The following ZNF853 variants were observed in gnomAD, a reference collection of about 807,000 sequenced individuals.
The protein encoded by ZNF853 is zinc finger protein 853.
ZNF853 carries 57 observed loss-of-function variants against 94.7 expected under a neutral mutation model. The ratio of observed to expected loss-of-function variants is 0.60; its 90% CI spans 0.49 to 0.75. ZNF853 has a LOEUF of 0.75. Among genes scored for constraint, ZNF853 ranks in the 30% least tolerant of loss-of-function variants. The pLI is 0.00. For synonymous variants in ZNF853, 448 were observed against 406.3 expected (o/e 1.10, Z -1.23); for missense variants, 785 against 868.9 (o/e 0.90, Z 1.21).
chr7:6,615,904 C>T lies in ZNF853; in HGVS notation c.-271C>T. 1 of 350,460 alleles carries T rather than the reference C, an allele frequency of 2.9e-6. No individual in the cohort carries two copies. The allele number at this position is 350,460 out of a possible 1,614,324, so 21.7% of individuals were successfully genotyped here. Reference sequence around the variant, plus strand: ...TGAGCCCCGCGCGGGATTCGGGGCCCTGCCTCCCGCCCCAGCCCCCGCCGG... The same window carrying T: ...TGAGCCCCGCGCGGGATTCGGGGCCTTGCCTCCCGCCCCAGCCCCCGCCGG... On this transcript the variant is annotated 5_prime_UTR_variant, in exon 1 of 3. Transcript: ENST00000457543. The surrounding 1 kb of genome is among the most constrained non-coding windows in gnomAD (Gnocchi z 8.5).
In ZNF853 at chr7:6,623,375, G is replaced by C. The variant is rs1339394282; in HGVS notation, c.*404G>C. 5.0e-6 allele frequency: 2 copies of C among 398,498 alleles called. No homozygotes were observed. Among genetic ancestry groups the C allele is most frequent in the African/African-American group, 4.1e-5 (2 of 48,626 alleles). 24.7% of individuals were successfully genotyped at this position (398,498 alleles called of 1,614,324 possible). On this transcript the variant is annotated 3_prime_UTR_variant, in exon 3 of 3. Coordinates refer to ENST00000457543, the MANE Select transcript of ZNF853 (RefSeq NM_017560.3). The stretch of plus-strand genomic sequence containing the variant: ...AATCAAGACGTGGTGAGACACACGT[G>C]GAAAATCTTCGATCCTGGTGAAAAT...
intron 2 of ZNF853, 192 bp downstream of exon 2, chr7:6,617,499 G>C: frequency 1.3e-6 from 1 of 790,894 alleles, no homozygotes; most frequent in Non-Finnish European, 1.5e-6. Flanking sequence ...GCTGGTGAGG[G>C]GCTCCCCGCT....
Position 6,621,267 on chromosome 7 carries a change from G to A in ZNF853, c.276G>A (p.Gln92=), listed in dbSNP as rs902454411. 9 of 1,549,876 alleles carry A rather than the reference G, an allele frequency of 5.8e-6. No homozygotes were observed. The highest frequency in any genetic ancestry group is 7.9e-6 in the Non-Finnish European group (9 of 1,145,844). Residue 92 remains glutamine (Q), a synonymous_variant, in exon 3 of 3, where the codon CAG becomes CAA. Coordinates refer to ENST00000457543, the MANE Select transcript of ZNF853 (RefSeq NM_017560.3). ...TRPGQRELQL[Q]QLEQQPEPQQ... is the part of the protein sequence containing the mutation. ...CGGGACAACGAGAGTTGCAACTGCA[G>A]CAGTTAGAACAGCAGCCCGAGCCGC...
chr7:6,617,733 G>T lies in ZNF853; in HGVS notation c.130+426G>T. On this transcript the variant is annotated intron_variant, in intron 2 of 2. Coordinates refer to ENST00000457543, the MANE Select transcript of ZNF853 (RefSeq NM_017560.3). ...GCTCCCTGGCTTCTTCTCCCCTGTGGCCTCGTAACCTTTTCCACTTTAGCT... is the reference window on the plus strand; with the variant it reads ...GCTCCCTGGCTTCTTCTCCCCTGTGTCCTCGTAACCTTTTCCACTTTAGCT... 78 of 775,934 alleles carry T rather than the reference G, an allele frequency of 1.0e-4. 1 individual carries two copies. In the African/African-American group the frequency reaches 1.4e-3, roughly 14 times the overall value. 48.1% of individuals were successfully genotyped at this position (775,934 alleles called of 1,614,324 possible).
chr7:6,618,569 G>T, intron 2 of ZNF853, among the ~76,000 whole-genome samples: 13 of 152,082 alleles, frequency 8.5e-5, no homozygotes, highest in African/African-American at 2.9e-4. Context: ...AATTAGCTAG[G>T]CGTGGTGTTG....
chr7:6,619,180 T>A, intron 2 of ZNF853, among the ~76,000 whole-genome samples: 2 of 151,434 alleles, frequency 1.3e-5, no homozygotes. Context: ...GCTGGGACTA[T>A]AGGTGCCTGC....
chr7:6,618,402 A>G, intron 2 of ZNF853, among the ~76,000 whole-genome samples: 2 of 151,828 alleles, frequency 1.3e-5, no homozygotes, highest in Non-Finnish European at 2.9e-5. Flanking sequence ...GATGTTCACT[A>G]AAATGCCTTT....
At position 6,622,467 on chromosome 7, in the gene ZNF853, G is replaced by T; in HGVS notation, c.1476G>T (p.Lys492Asn). Residue 492 changes from lysine (K) to asparagine (N), a missense_variant, in exon 3 of 3, where the codon AAG (lysine) becomes AAT (asparagine). Transcript: ENST00000457543. ...CGACCATCTGCGGGGAGTGCGGCAA[G>T]GGCTTCAGCCGCAGCACGGACCTGG... ...DRPTICGECG[K>N]GFSRSTDLVR... 1 of 1,527,240 alleles carries T rather than the reference G, an allele frequency of 6.5e-7. No individual in the cohort carries two copies. 94.6% of individuals were successfully genotyped at this position (1,527,240 alleles called of 1,614,324 possible).
intron 2 of ZNF853, among the ~76,000 whole-genome samples, chr7:6,617,822 C>T: frequency 6.6e-6 from 1 of 152,110 alleles, no homozygotes. Flanking sequence ...TACTGCAGAA[C>T]CTTCCAAGAC....
rs1044362849 is a variant in ZNF853, at chr7:6,621,757, C to A, written c.766C>A (p.Gln256Lys). The change falls in exon 3 of 3, where the codon CAG (glutamine) becomes AAG (lysine). Residue 256 changes from glutamine (Q) to lysine (K), a missense_variant. By Grantham distance (53) the Gln-to-Lys change is moderately conservative. Coordinates refer to ENST00000457543, the MANE Select transcript of ZNF853 (RefSeq NM_017560.3). Reference protein sequence around the residue: ...QQGQLQQQLLQQQQAQLQQQL... With the variant: ...QQGQLQQQLLKQQQAQLQQQL... ...GGGACAGTTACAGCAGCAACTGTTGCAGCAGCAGCAGGCACAGTTACAACA... is the reference window on the plus strand; with the variant it reads ...GGGACAGTTACAGCAGCAACTGTTGAAGCAGCAGCAGGCACAGTTACAACA... 3 of 1,550,356 alleles carry A rather than the reference C, an allele frequency of 1.9e-6. No homozygotes were observed. The African/African-American group carries it at 4.1e-5, about 21-fold the overall frequency.
At position 6,622,836 on chromosome 7, in the gene ZNF853, C is replaced by G; in HGVS notation, c.1845C>G (p.His615Gln). 6.6e-7 allele frequency: 1 copy of G among 1,518,228 alleles called. No individual in the cohort carries two copies. Among genetic ancestry groups the G allele is most frequent in the Non-Finnish European group, 8.8e-7 (1 of 1,136,958 alleles). 94.0% of individuals were successfully genotyped at this position (1,518,228 alleles called of 1,614,324 possible). A position where few individuals can be genotyped will look rare whatever the true frequency, so the allele number is the denominator to read the frequency against. ...GACACAAGGTGCAGATCCGCCGCCA[C>G]GAGCGCCAGCTGCACGGCGCGGGCC... ...RFRHKVQIRR[H>Q]ERQLHGAGRS... Residue 615 changes from histidine to glutamine, a missense_variant, in exon 3 of 3, where the codon CAC (histidine) becomes CAG (glutamine). Transcript: ENST00000457543.
At position 6,621,736 on chromosome 7, in the gene ZNF853, C is replaced by T; in HGVS notation, c.745C>T (p.Gln249Ter). The change falls in exon 3 of 3, where the codon CAG (glutamine) becomes TAG (stop). Residue 249 changes from glutamine to a stop codon, truncating the protein, a stop_gained. Coordinates refer to ENST00000457543, the MANE Select transcript of ZNF853 (RefSeq NM_017560.3). LOFTEE classifies it high-confidence loss of function. ...QQLLLLQQQG[Q>*]LQQQLLQQQQ... Reference sequence around the variant, plus strand: ...GCTACTATTGCTGCAGCAGCAGGGACAGTTACAGCAGCAACTGTTGCAGCA... The same window carrying T: ...GCTACTATTGCTGCAGCAGCAGGGATAGTTACAGCAGCAACTGTTGCAGCA... The T allele has an allele frequency of 6.4e-7, 1 of 1,550,754 alleles. No homozygotes were observed. The highest frequency in any genetic ancestry group is 8.7e-7 in the Non-Finnish European group (1 of 1,146,950).
At position 6,621,550 on chromosome 7, in the gene ZNF853, G is replaced by A; in HGVS notation, c.559G>A (p.Val187Ile). The change falls in exon 3 of 3, where the codon GTA becomes ATA. Residue 187 changes from valine (V) to isoleucine (I), a missense_variant. Coordinates refer to ENST00000457543, the MANE Select transcript of ZNF853 (RefSeq NM_017560.3). ...GACGCAGCAAGCACAAGAGCAACAG[G>A]TATTGCAGCAGCAGGAACAGCTACA... is the stretch of plus-strand genomic sequence containing the variant. ...LQTQQAQEQQ[V>I]LQQQEQLQQQ... 6.4e-7 allele frequency: 1 copy of A among 1,551,542 alleles called. No individual in the cohort carries two copies. Among genetic ancestry groups the A allele is most frequent in the Non-Finnish European group, 8.7e-7 (1 of 1,146,930 alleles).
In ZNF853 at chr7:6,615,719, C is replaced by G. The variant is rs1782485624; in HGVS notation, c.-456C>G. On this transcript the variant is annotated 5_prime_UTR_variant, in exon 1 of 3. Transcript: ENST00000457543. This position sits in a 1 kb window ranked among gnomAD's most constrained non-coding sequence, Gnocchi z 8.5. ...CGCCCCGCCCCCGCCCCGGCCCCCG[C>G]GCGGCCCGGCCCAGGCCGCCCGCAG... 1 of 144,200 alleles carries G rather than the reference C, an allele frequency of 6.9e-6. No individual in the cohort carries two copies. 8.9% of individuals were successfully genotyped at this position (144,200 alleles called of 1,614,324 possible).
At position 6,622,429 on chromosome 7, in the gene ZNF853, G is replaced by C. The variant is rs1293915878; in HGVS notation, c.1438G>C (p.Ala480Pro). 6.9e-7 allele frequency: 1 copy of C among 1,442,470 alleles called. No homozygotes were observed. The highest frequency in any genetic ancestry group is 1.4e-5 in the South Asian group (1 of 70,174). 89.4% of individuals were successfully genotyped at this position (1,442,470 alleles called of 1,614,324 possible). Residue 480 changes from alanine to proline, a missense_variant, in exon 3 of 3, where the codon GCT (alanine) becomes CCT (proline). By Grantham distance (27) the Ala-to-Pro change is conservative. Coordinates refer to ENST00000457543, the MANE Select transcript of ZNF853 (RefSeq NM_017560.3). ...TPARQRRRRRARDRPTICGEC... is the reference protein window; with the variant it reads ...TPARQRRRRRPRDRPTICGEC... ...TGCACGGCAGCGGCGGCGGCGGCGC[G>C]CTCGGGACCGGCCGACCATCTGCGG...
chr7:6,621,094 T>C, intron 2 of ZNF853, 28 bp from the exon 3 acceptor site: 62 of 1,462,142 alleles, frequency 4.2e-5, no homozygotes, highest in Non-Finnish European at 5.4e-5. Flanking sequence ...GATCTTTCTC[T>C]CTTGGCTTCC....
rs575733168 is a variant in ZNF853, at chr7:6,623,264, G to A, written c.*293G>A. The A allele has an allele frequency of 2.5e-6, 1 of 399,122 alleles. No homozygotes were observed. Among genetic ancestry groups the A allele is most frequent in the Admixed American group, 4.4e-5 (1 of 22,726 alleles). 24.7% of individuals were successfully genotyped at this position (399,122 alleles called of 1,614,324 possible). A position where few individuals can be genotyped will look rare whatever the true frequency, so the allele number is the denominator to read the frequency against. ...GGTCTGCCAAAGGTTTTCCCTCCGG[G>A]AAAACTGGACTTACTACGAACGAGG... On this transcript the variant is annotated 3_prime_UTR_variant, in exon 3 of 3. Transcript: ENST00000457543.
intron 1 of ZNF853, 47 bp downstream of exon 1, chr7:6,616,233 C>T: frequency 1.2e-5 from 19 of 1,541,478 alleles, no homozygotes; most frequent in Admixed American, 4.0e-5. Flanking sequence ...GGACGCGTCC[C>T]TTGAGAGAGT....
rs1023006561 is a variant in ZNF853, at chr7:6,615,664, C to G, written c.-511C>G. The G allele has an allele frequency of 6.9e-6, 1 of 145,120 alleles. No individual in the cohort carries two copies. The highest frequency in any genetic ancestry group is 1.5e-5 in the Non-Finnish European group (1 of 65,266). The allele number at this position is 145,120 out of a possible 1,614,324, so 9.0% of individuals were successfully genotyped here. ...ACGCACTCCCGGGCGGGCGGGCGAG[C>G]CCAGGGGGACCCGGCCTTGCCGCGG... On this transcript the variant is annotated 5_prime_UTR_variant, in exon 1 of 3. Transcript: ENST00000457543. This position sits in a 1 kb window ranked among gnomAD's most constrained non-coding sequence, Gnocchi z 8.5.
Sources: allele counts gnomAD v4.1 joint callset (sites outside exome capture counted in the v4.1 genomes callset), GRCh38; gene constraint gnomAD v4.1.1; non-coding constraint Gnocchi (gnomAD v3.1); transcripts MANE v1.5; gene names NCBI Gene and HGNC (gene_info 2026-07-23, HGNC 2026-07-21).